Variants in NME7 observed in about 807,000 individuals in gnomAD.
The protein encoded by NME7 is nucleoside diphosphate kinase 7.
A neutral mutation model predicts 49.1 loss-of-function variants in NME7; 41 were observed. The observed-to-expected ratio is 0.83, with a 90% CI of 0.65 to 1.08. The LOEUF is 1.08. NME7 is among the 50% of genes least tolerant of loss of function. The pLI, the probability that NME7 is intolerant of heterozygous loss-of-function variation, is 0.00. For synonymous variants in NME7, 139 were observed against 150.6 expected, an observed-to-expected ratio of 0.92 and a Z score of 0.56; for missense variants, 423 against 463.4, an observed-to-expected ratio of 0.91 and a Z score of 0.80.
chr1:169,316,512 C>A (rs146048705), intron 3 of NME7, among the ~76,000 whole-genome samples: 66 of 152,142 alleles, frequency 4.3e-4, no homozygotes, highest in African/African-American at 1.5e-3. Context: ...ACCTCACCTG[C>A]CAAAAAGGAC....
chr1:169,331,424 G>A (rs1463491363), intron 1 of NME7, among the ~76,000 whole-genome samples: 2 of 152,134 alleles, frequency 1.3e-5, no homozygotes, highest in African/African-American at 4.8e-5. Context: ...TGACGAGGGT[G>A]CCCATTATCA....
chr1:169,280,978 TC>T (rs1160764095), intron 7 of NME7, among the ~76,000 whole-genome samples: 3 of 152,130 alleles, frequency 2.0e-5, no homozygotes, highest in Non-Finnish European at 2.9e-5. Context: ...GTAGTTTTTT[TC>T]CAATTCTGTG....
intron 11 of NME7, among the ~76,000 whole-genome samples, chr1:169,155,916 C>T (rs975192157): frequency 4.6e-5 from 7 of 151,908 alleles, no homozygotes; most frequent in African/African-American, 1.5e-4. Context: ...GTACTCTAAA[C>T]CAATAGCATC....
chr1:169,335,968 C>T (rs10919143), intron 1 of NME7, among the ~76,000 whole-genome samples: 2 of 151,876 alleles, frequency 1.3e-5, no homozygotes, highest in East Asian at 1.9e-4. Flanking sequence ...TTGGTCTCAC[C>T]GACTTCAAGA....
intron 1 of NME7, among the ~76,000 whole-genome samples, chr1:169,358,730 A>G (rs1377923870): frequency 6.6e-6 from 1 of 152,086 alleles, no homozygotes; most frequent in Non-Finnish European, 1.5e-5. Context: ...TAAAAGTTCA[A>G]ATCTATTGTT....
intron 11 of NME7, among the ~76,000 whole-genome samples, chr1:169,139,355 C>G (rs1444790386): frequency 6.6e-6 from 1 of 152,164 alleles, no homozygotes; most frequent in Non-Finnish European, 1.5e-5. Context: ...TCATGAGACT[C>G]AAGTTTTTTG....
intron 11 of NME7, among the ~76,000 whole-genome samples, chr1:169,141,643 C>T (rs187894983): frequency 6.6e-6 from 1 of 152,218 alleles, no homozygotes; most frequent in East Asian, 1.9e-4. Context: ...TATTTTATTT[C>T]TTGGGAAGTT....
At chr1:169,335,778 G>C in intron 1 of NME7, among the ~76,000 whole-genome samples, 1 of 145,710 alleles carries the variant, frequency 6.9e-6, no homozygotes, top group Middle Eastern at 3.6e-3. Context: ...TTATATATAT[G>C]TTTCAGAAGA....
In NME7 at chr1:169,140,866, C is replaced by G. The variant is rs147851813; in HGVS notation, c.1099-8049G>C. Among the ~76,000 whole-genome samples, 729 of 152,218 alleles carry G rather than the reference C, an allele frequency of 4.8e-3. 7 individuals are homozygous for G. Among genetic ancestry groups the G allele is most frequent in the African/African-American group, 0.017 (686 of 41,530 alleles). ...GAACCAAAAAGTAGATGCTTACACCCCCACCCTGGAGAGTCTGATTCATTA... is the reference window on the plus strand; with the variant it reads ...GAACCAAAAAGTAGATGCTTACACCGCCACCCTGGAGAGTCTGATTCATTA... On this transcript the variant is annotated intron_variant, in intron 11 of 11. Transcript: ENST00000367811.
At chr1:169,305,802 T>C (rs1571373762) in intron 4 of NME7, among the ~76,000 whole-genome samples, 1 of 152,192 alleles carries the variant, frequency 6.6e-6, no homozygotes. Context: ...ATAAACACAA[T>C]GCTCATGCTG....
chr1:169,269,838 T>C (rs1397314428), intron 7 of NME7, among the ~76,000 whole-genome samples: 1 of 134,578 alleles, frequency 7.4e-6, no homozygotes, highest in South Asian at 2.3e-4. Context: ...ATCTAAACTT[T>C]CTTTGAAACA....
intron 10 of NME7, among the ~76,000 whole-genome samples, chr1:169,226,137 G>C (rs749043805): frequency 2.6e-5 from 4 of 151,982 alleles, no homozygotes; most frequent in South Asian, 4.2e-4. Flanking sequence ...CATCACCAAG[G>C]GTCTTTCTTT....
intron 7 of NME7, among the ~76,000 whole-genome samples, chr1:169,253,506 A>G (rs1281249585): frequency 1.3e-5 from 2 of 152,138 alleles, no homozygotes; most frequent in African/African-American, 4.8e-5. Flanking sequence ...TGTCGCCTGC[A>G]AACAGGGACA....
chr1:169,239,013 T>A (rs899199779), intron 7 of NME7, among the ~76,000 whole-genome samples: 1 of 152,032 alleles, frequency 6.6e-6, no homozygotes, highest in Non-Finnish European at 1.5e-5. Flanking sequence ...TACTAAAAAT[T>A]AAAATAATTT....
chr1:169,313,218 A>AC (rs1651467641), intron 3 of NME7, among the ~76,000 whole-genome samples: 2 of 151,820 alleles, frequency 1.3e-5, no homozygotes, highest in African/African-American at 2.4e-5. Context: ...AAAAAAAAAA[A>AC]AAAACAACCA....
At chr1:169,202,013 G>GGCA (rs915005200) in intron 10 of NME7, among the ~76,000 whole-genome samples, 5 of 152,102 alleles carry the variant, frequency 3.3e-5, no homozygotes, top group African/African-American at 1.2e-4. Flanking sequence ...TGGGGAGTCT[G>GGCA]GCAGCAGCAG....
intron 7 of NME7, among the ~76,000 whole-genome samples, chr1:169,248,882 T>C (rs994213711): frequency 8.1e-6 from 1 of 122,790 alleles, no homozygotes; most frequent in African/African-American, 2.7e-5. Flanking sequence ...TACAGCCTTG[T>C]GGCAAACATC....
chr1:169,326,101 G>C (rs966807445), intron 1 of NME7, among the ~76,000 whole-genome samples: 1 of 151,878 alleles, frequency 6.6e-6, no homozygotes, highest in Non-Finnish European at 1.5e-5. Context: ...ATATAAAATA[G>C]AAGAAATGAC....
At chr1:169,162,305 G>A (rs1311500783) in intron 11 of NME7, among the ~76,000 whole-genome samples, 1 of 151,714 alleles carries the variant, frequency 6.6e-6, no homozygotes, top group Non-Finnish European at 1.5e-5. Flanking sequence ...AACCCGTTGG[G>A]CAATTAAACT....
Sources: allele counts gnomAD v4.1 joint callset (sites outside exome capture counted in the v4.1 genomes callset), GRCh38; gene constraint gnomAD v4.1.1; transcripts MANE v1.5; gene names NCBI Gene and HGNC (gene_info 2026-07-23, HGNC 2026-07-21).